The following CLSTN2 variants were observed in gnomAD, a reference collection of about 807,000 sequenced individuals.
The protein encoded by CLSTN2 is calsyntenin 2, also known as calsyntenin-2.
In CLSTN2, 48 loss-of-function variants were observed where a neutral mutation model predicts 101.2. The ratio of observed to expected loss-of-function variants is 0.47; its 90% CI spans 0.38 to 0.60. The LOEUF (loss-of-function observed/expected upper bound fraction) is 0.60. Ranked by LOEUF, CLSTN2 falls within the 20% of genes least tolerant of loss-of-function variation. The pLI is 0.00. For synonymous variants in CLSTN2, 481 were observed against 463.6 expected, an observed-to-expected ratio of 1.04 and a Z score of -0.48; for missense variants, 1,160 against 1,238.2, an observed-to-expected ratio of 0.94 and a Z score of 0.95.
intron 2 of CLSTN2, among the ~76,000 whole-genome samples, chr3:140,395,756 A>G (rs1576547166): frequency 6.6e-6 from 1 of 152,120 alleles, no homozygotes; most frequent in Admixed American, 6.5e-5. Context: ...CTGTCTTATT[A>G]TACTTAAAGT....
intron 2 of CLSTN2, among the ~76,000 whole-genome samples, chr3:140,320,287 G>A (rs2087269428): frequency 6.6e-6 from 1 of 152,148 alleles, no homozygotes; most frequent in Admixed American, 6.5e-5. Flanking sequence ...TCCATTTTCA[G>A]TTTTCAGGTA....
chr3:140,230,167 G>A (rs2086357727), intron 2 of CLSTN2, among the ~76,000 whole-genome samples: 1 of 152,088 alleles, frequency 6.6e-6, no homozygotes, highest in East Asian at 1.9e-4. Context: ...GCCGCAGCAA[G>A]CAGGGGAAAG....
intron 2 of CLSTN2, among the ~76,000 whole-genome samples, chr3:140,370,950 C>A (rs1417662094): frequency 6.6e-6 from 1 of 152,160 alleles, no homozygotes; most frequent in Non-Finnish European, 1.5e-5. Flanking sequence ...GCTGCGAGGG[C>A]ATGGTGGCTC....
chr3:140,218,923 G>A (rs1267102874), intron 2 of CLSTN2, among the ~76,000 whole-genome samples: 1 of 152,118 alleles, frequency 6.6e-6, no homozygotes, highest in Non-Finnish European at 1.5e-5. Flanking sequence ...GACAGCAGAG[G>A]GGAACGTAAC....
chr3:140,544,876 A>G (rs1018764453), intron 9 of CLSTN2, among the ~76,000 whole-genome samples: 6 of 152,082 alleles, frequency 3.9e-5, no homozygotes, highest in Admixed American at 3.9e-4. Flanking sequence ...GATTTGCCTA[A>G]TCTAAGCTAT....
chr3:140,564,657 C>T (rs905785881), intron 16 of CLSTN2, among the ~76,000 whole-genome samples: 1 of 152,250 alleles, frequency 6.6e-6, no homozygotes, highest in African/African-American at 2.4e-5. Context: ...GCTCTATATA[C>T]ACCACCTCAT....
At chr3:140,180,575 C>G (rs1381327878) in intron 2 of CLSTN2, among the ~76,000 whole-genome samples, 1 of 152,132 alleles carries the variant, frequency 6.6e-6, no homozygotes, top group East Asian at 1.9e-4. Flanking sequence ...TTATTAATTT[C>G]TACCTGTGCC....
intron 1 of CLSTN2, among the ~76,000 whole-genome samples, chr3:140,000,209 G>A (rs536285340): frequency 1.3e-5 from 2 of 152,254 alleles, no homozygotes; most frequent in East Asian, 3.9e-4. Flanking sequence ...AGTGTAAAAG[G>A]TTCCTGACAT....
In CLSTN2 at chr3:139,975,894, G is replaced by A. The variant is rs150551387; in HGVS notation, c.109+40411G>A. On this transcript the variant is annotated intron_variant, in intron 1 of 16. Coordinates refer to ENST00000458420, the MANE Select transcript of CLSTN2 (RefSeq NM_022131.3). ...GTTCTTGCAGCCTGTGAGGCAGTGTGCTAAGGGCTTTTGACACCGTACTAC... is the reference window on the plus strand; with the variant it reads ...GTTCTTGCAGCCTGTGAGGCAGTGTACTAAGGGCTTTTGACACCGTACTAC... Among the ~76,000 whole-genome samples the A allele has an allele frequency of 9.4e-3, 1,434 of 152,306 alleles. 15 individuals are homozygous for A. The highest frequency in any genetic ancestry group is 0.027 in the Middle Eastern group (8 of 294).
intron 2 of CLSTN2, among the ~76,000 whole-genome samples, chr3:140,349,733 T>C (rs1037137389): frequency 6.6e-6 from 1 of 152,212 alleles, no homozygotes. Context: ...AAACAACAAA[T>C]GCCCATTTAC....
At chr3:140,301,100 CCCAT>C (rs1490721819) in intron 2 of CLSTN2, among the ~76,000 whole-genome samples, 1 of 152,150 alleles carries the variant, frequency 6.6e-6, no homozygotes, top group Non-Finnish European at 1.5e-5. Flanking sequence ...TTGAATGATG[CCCAT>C]CCACACTGAG....
At chr3:140,556,177 C>G (rs1357766549) in intron 10 of CLSTN2, among the ~76,000 whole-genome samples, 1 of 152,108 alleles carries the variant, frequency 6.6e-6, no homozygotes, top group Admixed American at 6.6e-5. Flanking sequence ...CCAGACCACC[C>G]GGCTAGCACA....
intron 2 of CLSTN2, among the ~76,000 whole-genome samples, chr3:140,352,164 A>G (rs2087615277): frequency 6.6e-6 from 1 of 152,222 alleles, no homozygotes; most frequent in Non-Finnish European, 1.5e-5. Flanking sequence ...TTTAAAAGAG[A>G]TGAGGTATTT....
chr3:139,948,571 A>G (rs1935247021), intron 1 of CLSTN2, among the ~76,000 whole-genome samples: 2 of 152,156 alleles, frequency 1.3e-5, no homozygotes, highest in Non-Finnish European at 2.9e-5. Flanking sequence ...AAAACAAGTC[A>G]CCTGTTCTTA....
intron 10 of CLSTN2, among the ~76,000 whole-genome samples, chr3:140,555,122 C>T (rs1269874667): frequency 6.6e-6 from 1 of 152,168 alleles, no homozygotes; most frequent in Non-Finnish European, 1.5e-5. Context: ...AGATGCAAGC[C>T]GATGGACTAG....
At chr3:140,298,885 G>A (rs2087028131) in intron 2 of CLSTN2, among the ~76,000 whole-genome samples, 2 of 152,316 alleles carry the variant, frequency 1.3e-5, no homozygotes, top group South Asian at 4.1e-4. Flanking sequence ...CCTTCAACCT[G>A]AATAAAAGCT....
rs901983405 is a variant in CLSTN2 at position 140,273,368 on chromosome 3, A to G, written c.232+97295A>G. Among the ~76,000 whole-genome samples, 11 of 152,168 alleles carry G rather than the reference A, an allele frequency of 7.2e-5. No individual in the cohort carries two copies. The East Asian group carries it at 2.1e-3, about 29-fold the overall frequency. On this transcript the variant is annotated intron_variant, in intron 2 of 16. Coordinates refer to ENST00000458420, the MANE Select transcript of CLSTN2 (RefSeq NM_022131.3). ...CACTCTGCACATGTATCTGGAACTT[A>G]AAGTAAAATAAGAATATATATATTT...
At chr3:140,123,803 C>CAT (rs150523094) in intron 1 of CLSTN2, among the ~76,000 whole-genome samples, 26,905 of 144,832 alleles carry the variant, frequency 0.19, 2,945 homozygotes, top group East Asian at 0.38. Context: ...GAGATGGAGA[C>CAT]ATATATATAT....
chr3:140,040,829 A>G (rs1489620594), intron 1 of CLSTN2, among the ~76,000 whole-genome samples: 1 of 152,000 alleles, frequency 6.6e-6, no homozygotes, highest in East Asian at 1.9e-4. Flanking sequence ...ATTGAAGGGG[A>G]GAGGGTATTT....
Sources: allele counts gnomAD v4.1 joint callset (sites outside exome capture counted in the v4.1 genomes callset), GRCh38; gene constraint gnomAD v4.1.1; transcripts MANE v1.5; gene names NCBI Gene and HGNC (gene_info 2026-07-23, HGNC 2026-07-21).